The following CMKLR1 variants were observed in gnomAD, a reference collection of about 807,000 sequenced individuals.
CMKLR1 encodes chemerin-like receptor 1.
CMKLR1 carries 6 observed loss-of-function variants against 8.2 expected under a neutral mutation model. That is an observed-to-expected ratio of 0.73 (90% CI 0.40 to 1.44). The LOEUF (loss-of-function observed/expected upper bound fraction) is 1.44. CMKLR1 is among the 40% of genes most tolerant of loss of function. CMKLR1 has a pLI of 0.02. For synonymous variants in CMKLR1, 178 were observed against 181.2 expected, an observed-to-expected ratio of 0.98 and a Z score of 0.14; for missense variants, 429 against 478.0, an observed-to-expected ratio of 0.90 and a Z score of 0.96.
intron 2 of CMKLR1, among the ~76,000 whole-genome samples, chr12:108,324,784 T>C (rs1891944042): frequency 6.6e-6 from 1 of 152,074 alleles, no homozygotes; most frequent in Non-Finnish European, 1.5e-5. Flanking sequence ...CCTTCTGCTG[T>C]TGGGCTCACT....
rs1566015124 is a variant in CMKLR1, at chr12:108,289,540, T to C, written c.*2301A>G. On this transcript the variant is annotated 3_prime_UTR_variant, in exon 4 of 4. Coordinates refer to ENST00000550402, the MANE Select transcript of CMKLR1 (RefSeq NM_001142343.2). ...ACAACATGAATTCCTGGCTCCCCCA[T>C]CCTGGCCTGGACTGCCAGAAGCCCA... 1 of 152,186 alleles carries C rather than the reference T, an allele frequency of 6.6e-6. No homozygotes were observed. Among genetic ancestry groups the C allele is most frequent in the Non-Finnish European group, 1.5e-5 (1 of 68,050 alleles). The allele number at this position is 152,186 out of a possible 1,614,324, so 9.4% of individuals were successfully genotyped here.
At position 108,292,261 on chromosome 12, in the gene CMKLR1, G is replaced by T. The variant is rs372166234; in HGVS notation, c.702C>A (p.Leu234=). 14 of 1,614,178 alleles carry T rather than the reference G, an allele frequency of 8.7e-6. No homozygotes were observed. Among genetic ancestry groups the T allele is most frequent in the Middle Eastern group, 3.3e-4 (2 of 6,062 alleles). ...TGGTGAGGTAGCAAGCTGTGATGAT[G>T]AGGACTGGGACCAGGAAGCCACAGA... is the stretch of plus-strand genomic sequence containing the variant. ...RFLCGFLVPV[L]IITACYLTIV... is the part of the protein sequence containing the mutation. Residue 234 remains leucine, a synonymous_variant, in exon 4 of 4, where the codon CTC becomes CTA. Coordinates refer to ENST00000550402, the MANE Select transcript of CMKLR1 (RefSeq NM_001142343.2).
At chr12:108,301,120 G>GGC (rs1329271107) in intron 2 of CMKLR1, among the ~76,000 whole-genome samples, 1 of 145,304 alleles carries the variant, frequency 6.9e-6, no homozygotes, top group Non-Finnish European at 1.5e-5. Context: ...TCTGTTGCCA[G>GGC]GCTGGAGTGC....
intron 2 of CMKLR1, among the ~76,000 whole-genome samples, chr12:108,319,240 C>T (rs1334678981): frequency 6.6e-6 from 1 of 152,204 alleles, no homozygotes; most frequent in Non-Finnish European, 1.5e-5. Flanking sequence ...TGAGAACCAT[C>T]CCTGTCAACC....
intron 2 of CMKLR1, among the ~76,000 whole-genome samples, chr12:108,306,383 G>A (rs543822197): frequency 1.3e-4 from 19 of 142,680 alleles, no homozygotes; most frequent in African/African-American, 4.0e-4. Context: ...CTAAGTTCTC[G>A]TTAATCACCT....
At position 108,292,040 on chromosome 12, in the gene CMKLR1, T is replaced by C; in HGVS notation, c.923A>G (p.Asn308Ser). Residue 308 changes from asparagine to serine, a missense_variant, in exon 4 of 4, where the codon AAC becomes AGC. Coordinates refer to ENST00000550402, the MANE Select transcript of CMKLR1 (RefSeq NM_001142343.2). Reference sequence around the variant, plus strand: ...ATACAGAATGGGGTTCATGCAGCTGTTGGCAATGGCAAGGGCAGTGGCCAG... The same window carrying C: ...ATACAGAATGGGGTTCATGCAGCTGCTGGCAATGGCAAGGGCAGTGGCCAG... ...LPLATALAIA[N>S]SCMNPILYVF... 1.2e-6 allele frequency: 2 copies of C among 1,614,188 alleles called. No homozygotes were observed. The highest frequency in any genetic ancestry group is 1.7e-6 in the Non-Finnish European group (2 of 1,180,036).
chr12:108,338,061 G>A (rs1219792092), intron 1 of CMKLR1, among the ~76,000 whole-genome samples: 1 of 152,218 alleles, frequency 6.6e-6, no homozygotes, highest in African/African-American at 2.4e-5. Flanking sequence ...CAGTGATCTG[G>A]CATCTCTGAA....
At chr12:108,336,656 G>T (rs749904750) in intron 1 of CMKLR1, among the ~76,000 whole-genome samples, 1 of 152,192 alleles carries the variant, frequency 6.6e-6, no homozygotes, top group Non-Finnish European at 1.5e-5. Context: ...TGGCGGTAAT[G>T]TCTGCACCCA....
intron 1 of CMKLR1, among the ~76,000 whole-genome samples, chr12:108,333,064 C>G (rs899676378): frequency 2.6e-5 from 4 of 152,142 alleles, no homozygotes; most frequent in Non-Finnish European, 5.9e-5. Context: ...CTCACTACAC[C>G]ACACCCTCTC....
intron 2 of CMKLR1, among the ~76,000 whole-genome samples, 182 bp from the exon 3 acceptor site, chr12:108,293,846 C>G (rs1891058330): frequency 6.6e-6 from 1 of 152,102 alleles, no homozygotes; most frequent in Non-Finnish European, 1.5e-5. Context: ...GGATGGAGCC[C>G]CTTGAACCTA....
intron 1 of CMKLR1, among the ~76,000 whole-genome samples, chr12:108,338,763 G>A (rs1892288916): frequency 6.6e-6 from 1 of 152,198 alleles, no homozygotes; most frequent in Non-Finnish European, 1.5e-5. Context: ...GAATATAGGT[G>A]ATATGGAAAA....
chr12:108,324,313 G>C lies in CMKLR1; in HGVS notation c.-74+5682C>G, dbSNP rs565263861. 5.3e-5 allele frequency among the ~76,000 whole-genome samples: 8 copies of C among 152,288 alleles called. No individual in the cohort carries two copies. The South Asian group carries it at 1.7e-3, about 32-fold the overall frequency. ...CATCTTTTCAAGTGTTGTAGTGAAG[G>C]CTGCCTGGATTCAAGCCCTGGCTCT... On this transcript the variant is annotated intron_variant, in intron 2 of 3. Coordinates refer to ENST00000550402, the MANE Select transcript of CMKLR1 (RefSeq NM_001142343.2).
At chr12:108,327,837 G>A (rs989370653) in intron 2 of CMKLR1, among the ~76,000 whole-genome samples, 12 of 152,192 alleles carry the variant, frequency 7.9e-5, no homozygotes, top group Admixed American at 6.5e-5. Context: ...CCTGGGCCCC[G>A]GGAAAATGTG....
intron 2 of CMKLR1, among the ~76,000 whole-genome samples, chr12:108,298,720 C>T (rs1056971206): frequency 6.6e-6 from 1 of 152,234 alleles, no homozygotes; most frequent in African/African-American, 2.4e-5. Flanking sequence ...TGTCTGCCTC[C>T]CTTTCCACCC....
intron 2 of CMKLR1, among the ~76,000 whole-genome samples, chr12:108,306,679 G>A (rs1891416705): frequency 6.6e-6 from 1 of 152,140 alleles, no homozygotes; most frequent in Non-Finnish European, 1.5e-5. Flanking sequence ...AAACCTCTTA[G>A]CACCTCCTTG....
At chr12:108,304,842 G>A (rs1333526314) in intron 2 of CMKLR1, among the ~76,000 whole-genome samples, 1 of 152,188 alleles carries the variant, frequency 6.6e-6, no homozygotes, top group Non-Finnish European at 1.5e-5. Context: ...CTCTTTCATC[G>A]CAGGCTACCA....
Position 108,318,973 on chromosome 12 carries a change from C to T in CMKLR1, c.-74+11022G>A, listed in dbSNP as rs571333522. On this transcript the variant is annotated intron_variant, in intron 2 of 3. Transcript: ENST00000550402. ...TTTTCCACCCATGCCTTATGCAGAG[C>T]AAATCCTGGTGGACAACAGGGTGCC... Among the ~76,000 whole-genome samples, 308 of 152,332 alleles carry T rather than the reference C, an allele frequency of 2.0e-3. 1 individual carries two copies. Among genetic ancestry groups the T allele is most frequent in the African/African-American group, 7.3e-3 (304 of 41,568 alleles).
intron 2 of CMKLR1, among the ~76,000 whole-genome samples, chr12:108,310,956 CA>C (rs1444247450): frequency 1.4e-5 from 2 of 146,266 alleles, no homozygotes; most frequent in Non-Finnish European, 3.0e-5. Flanking sequence ...ACCGCCCCCC[CA>C]CCCCCCGCCC....
chr12:108,309,558 T>C (rs958652925), intron 2 of CMKLR1, among the ~76,000 whole-genome samples: 1 of 148,348 alleles, frequency 6.7e-6, no homozygotes, highest in Non-Finnish European at 1.5e-5. Flanking sequence ...AAGCCAGTAG[T>C]GGGCAACGTC....
Sources: allele counts gnomAD v4.1 joint callset (sites outside exome capture counted in the v4.1 genomes callset), GRCh38; gene constraint gnomAD v4.1.1; transcripts MANE v1.5; gene names NCBI Gene and HGNC (gene_info 2026-07-23, HGNC 2026-07-21).